Variants in DOCK1 observed in about 807,000 individuals in gnomAD.
DOCK1 encodes dedicator of cytokinesis protein 1.
In DOCK1, 138 loss-of-function variants were observed where a neutral mutation model predicts 262.7. The observed-to-expected ratio is 0.53, with a 90% CI of 0.46 to 0.61. The LOEUF (loss-of-function observed/expected upper bound fraction) is 0.61, where lower values mean the gene tolerates loss of function less well. Among genes scored for constraint, DOCK1 ranks in the 20% least tolerant of loss-of-function variants. The pLI is 0.00. For missense variants in DOCK1, 1,908 were observed against 2,370.7 expected (o/e 0.80, Z 4.05); for synonymous variants, 866 against 867.4 (o/e 1.00, Z 0.03).
chr10:127,088,360 G>A (rs1044647101), intron 23 of DOCK1, among the ~76,000 whole-genome samples: 2 of 152,194 alleles, frequency 1.3e-5, no homozygotes, highest in African/African-American at 4.8e-5. Flanking sequence ...AAGCAGAGAT[G>A]TCATTCCCGT....
intron 2 of DOCK1, 97 bp from the exon 3 acceptor site, chr10:126,977,851 G>A: frequency 1.6e-6 from 2 of 1,212,714 alleles, no homozygotes; most frequent in Non-Finnish European, 1.2e-6. Flanking sequence ...TGACCTCACT[G>A]GTTCTGCCAA....
intron 33 of DOCK1, among the ~76,000 whole-genome samples, chr10:127,362,946 CATACACATGTGCATCCCCACAT>C (rs2064632910): frequency 7.1e-6 from 1 of 140,586 alleles, no homozygotes; most frequent in Non-Finnish European, 1.5e-5. Context: ...CCCCCACACA[CATACACATGTGCATCCCCACAT>C]ACACATACAC....
intron 27 of DOCK1, among the ~76,000 whole-genome samples, chr10:127,165,434 G>T (rs1175261814): frequency 6.6e-6 from 1 of 152,114 alleles, no homozygotes; most frequent in African/African-American, 2.4e-5. Flanking sequence ...CTTTGCTAGG[G>T]GGATAACCTA....
At chr10:127,221,666 C>G (rs551455308) in intron 27 of DOCK1, among the ~76,000 whole-genome samples, 2 of 152,276 alleles carry the variant, frequency 1.3e-5, no homozygotes, top group Admixed American at 1.3e-4. Flanking sequence ...CATCAACGCT[C>G]AAGGTCATGT....
chr10:127,147,961 G>C (rs992631238), intron 27 of DOCK1, among the ~76,000 whole-genome samples: 1 of 149,704 alleles, frequency 6.7e-6, no homozygotes, highest in South Asian at 2.1e-4. Flanking sequence ...AACCCAGGAG[G>C]AGGAGGGTGC....
chr10:127,339,843 T>C (rs1227544966), intron 30 of DOCK1, among the ~76,000 whole-genome samples: 2 of 152,150 alleles, frequency 1.3e-5, no homozygotes, highest in East Asian at 3.9e-4. Context: ...ATAATGATTT[T>C]ATCTGTCATT....
chr10:126,964,604 A>G (rs2037521060), intron 1 of DOCK1, among the ~76,000 whole-genome samples: 3 of 152,264 alleles, frequency 2.0e-5, no homozygotes, highest in African/African-American at 7.2e-5. Context: ...TCACAAATTG[A>G]CTTTAAAAGA....
chr10:126,916,701 C>T (rs1390910895), intron 1 of DOCK1, among the ~76,000 whole-genome samples: 2 of 151,850 alleles, frequency 1.3e-5, no homozygotes, highest in Non-Finnish European at 2.9e-5. Flanking sequence ...TCCTTTCCTC[C>T]CCTCCTTCCT....
rs2048466964 is a variant in DOCK1, at chr10:127,105,250, A to G, written c.2446-981A>G. Among the ~76,000 whole-genome samples, 3 of 152,204 alleles carry G rather than the reference A, an allele frequency of 2.0e-5. 1 individual carries two copies. Among genetic ancestry groups the G allele is most frequent in the Admixed American group, 1.3e-4 (2 of 15,292 alleles). ...ATTAAACCTCTTTCCTTTATAAATT[A>G]CCCAGTCTCAGGTATTTCTTCATAG... On this transcript the variant is annotated intron_variant, in intron 23 of 51. Coordinates refer to ENST00000623213, the MANE Select transcript of DOCK1 (RefSeq NM_001290223.2).
At chr10:127,238,063 C>T (rs961906626) in intron 27 of DOCK1, among the ~76,000 whole-genome samples, 3 of 152,186 alleles carry the variant, frequency 2.0e-5, no homozygotes, top group East Asian at 1.9e-4. Flanking sequence ...CATCATTCCT[C>T]GCTTCATGCA....
chr10:127,252,317 T>G (rs2059680743), intron 28 of DOCK1, among the ~76,000 whole-genome samples: 1 of 151,602 alleles, frequency 6.6e-6, no homozygotes, highest in African/African-American at 2.4e-5. Context: ...TTGCAAAAAT[T>G]TTCTCCCATT....
rs200887593 is a variant in DOCK1, at chr10:127,261,296, G to T, written c.3044+3867G>T. ...GTGTGCCTGCATGTGTGTGCATGTG[G>T]GTGTGTGTGTGTGTGCCTGCATGTG... On this transcript the variant is annotated intron_variant, in intron 29 of 51. Transcript: ENST00000623213. Among the ~76,000 whole-genome samples, 35 of 61,632 alleles carry T rather than the reference G, an allele frequency of 5.7e-4. 1 individual carries two copies. The highest frequency in any genetic ancestry group is 2.1e-3 in the African/African-American group (30 of 14,498). The allele number at this position is 61,632 out of a possible 152,430, so 40.4% of individuals were successfully genotyped here.
intron 48 of DOCK1, among the ~76,000 whole-genome samples, chr10:127,433,750 C>A (rs1031286769): frequency 2.2e-4 from 34 of 152,120 alleles, no homozygotes; most frequent in Non-Finnish European, 1.0e-4. Context: ...CCACGGGCCA[C>A]ATGCAGCCCA....
intron 1 of DOCK1, among the ~76,000 whole-genome samples, chr10:126,910,022 G>C (rs1244094891): frequency 6.6e-6 from 1 of 152,220 alleles, no homozygotes; most frequent in Admixed American, 6.5e-5. Flanking sequence ...ATAATTGCTA[G>C]GAATAGTGTG....
At chr10:127,320,504 C>T (rs1442493889) in intron 29 of DOCK1, among the ~76,000 whole-genome samples, 1 of 152,028 alleles carries the variant, frequency 6.6e-6, no homozygotes, top group East Asian at 1.9e-4. Context: ...ATGGAGAGCC[C>T]GGAAAGAGGT....
At chr10:127,096,652 A>G (rs1256757027) in intron 23 of DOCK1, among the ~76,000 whole-genome samples, 3 of 151,892 alleles carry the variant, frequency 2.0e-5, no homozygotes, top group South Asian at 2.1e-4. Flanking sequence ...AATAGCATCT[A>G]TTAATCATCA....
At chr10:127,062,561 G>C (rs1486449494) in intron 23 of DOCK1, among the ~76,000 whole-genome samples, 1 of 152,168 alleles carries the variant, frequency 6.6e-6, no homozygotes, top group Non-Finnish European at 1.5e-5. Flanking sequence ...TGAGCTAAGG[G>C]GCTGTGGGCC....
At chr10:126,908,157 G>A (rs141932449) in intron 1 of DOCK1, among the ~76,000 whole-genome samples, 1,970 of 152,296 alleles carry the variant, frequency 0.013, 54 homozygotes, top group African/African-American at 0.045. Context: ...GAGCATGAGC[G>A]CAATGGGGCC....
chr10:127,208,717 T>A (rs2057834457), intron 27 of DOCK1, among the ~76,000 whole-genome samples: 2 of 152,226 alleles, frequency 1.3e-5, no homozygotes, highest in African/African-American at 4.8e-5. Context: ...TTGAGATCAC[T>A]GAGCTTCATT....
Sources: allele counts gnomAD v4.1 joint callset (sites outside exome capture counted in the v4.1 genomes callset), GRCh38; gene constraint gnomAD v4.1.1; transcripts MANE v1.5; gene names NCBI Gene and HGNC (gene_info 2026-07-23, HGNC 2026-07-21).